NF2: variants seen among roughly 807,000 people sequenced by gnomAD.
The protein encoded by NF2 is NF2, moesin-ezrin-radixin like (MERLIN) tumor suppressor.
NF2 carries 8 observed loss-of-function variants against 83.7 expected under a neutral mutation model. The observed-to-expected ratio is 0.10, with a 90% CI of 0.06 to 0.17. The LOEUF is 0.17. Among genes scored for constraint, NF2 ranks in the 10% least tolerant of loss-of-function variants. The pLI is 1.00. For synonymous variants in NF2, 266 were observed against 269.6 expected (o/e 0.99, Z 0.13); for missense variants, 533 against 744.4 (o/e 0.72, Z 3.31).
chr22:29,660,522 A>C (rs187741178), intron 7 of NF2, among the ~76,000 whole-genome samples: 2 of 152,318 alleles, frequency 1.3e-5, no homozygotes, highest in East Asian at 3.9e-4. Context: ...TCTTCCTAGT[A>C]GTCCAACAAT....
Position 29,694,872 on chromosome 22 carries a change from A to G in NF2, c.*70A>G, listed in dbSNP as rs754084562. 6.6e-7 allele frequency: 1 copy of G among 1,515,012 alleles called. No homozygotes were observed. Among genetic ancestry groups the G allele is most frequent in the Non-Finnish European group, 9.1e-7 (1 of 1,104,194 alleles). 93.8% of individuals were successfully genotyped at this position (1,515,012 alleles called of 1,614,324 possible). A position where few individuals can be genotyped will look rare whatever the true frequency, so the allele number is the denominator to read the frequency against. On this transcript the variant is annotated 3_prime_UTR_variant, in exon 16 of 16. Coordinates refer to ENST00000338641, the MANE Select transcript of NF2 (RefSeq NM_000268.4). This position sits in a 1 kb window ranked among gnomAD's most constrained non-coding sequence, Gnocchi z 4.1. ...GGGACCGCGGGATGGACCAGATATCAAGAGAGCCATCCATAGGGAGCTGGC... is the reference window on the plus strand; with the variant it reads ...GGGACCGCGGGATGGACCAGATATCGAGAGAGCCATCCATAGGGAGCTGGC...
rs1356493348 is a variant in NF2 at position 29,697,384 on chromosome 22, C to T, written c.*2582C>T. 1 of 194,722 alleles carries T rather than the reference C, an allele frequency of 5.1e-6. No individual in the cohort carries two copies. Among genetic ancestry groups the T allele is most frequent in the Admixed American group, 6.1e-5 (1 of 16,436 alleles). The allele number at this position is 194,722 out of a possible 1,614,324, so 12.1% of individuals were successfully genotyped here. On this transcript the variant is annotated 3_prime_UTR_variant, in exon 16 of 16. Transcript: ENST00000338641. ...GGGAGCAGGCTGGGAACTGCAGGAC[C>T]TTGCTCAGCCAGGAGCACTTCCCCC...
intron 8 of NF2, among the ~76,000 whole-genome samples, chr22:29,663,738 G>A (rs1338263521): frequency 1.3e-5 from 2 of 152,208 alleles, no homozygotes; most frequent in African/African-American, 4.8e-5. Flanking sequence ...GCAATATAAC[G>A]TGTGAAAGAA....
intron 9 of NF2, among the ~76,000 whole-genome samples, chr22:29,667,660 A>G (rs1021973939): frequency 1.3e-5 from 2 of 152,206 alleles, no homozygotes; most frequent in Non-Finnish European, 2.9e-5. Context: ...TGCTGGGATT[A>G]CAGGTGTGAG....
intron 4 of NF2, among the ~76,000 whole-genome samples, chr22:29,653,150 A>G (rs2066197805): frequency 6.6e-6 from 1 of 152,156 alleles, no homozygotes; most frequent in African/African-American, 2.4e-5. Flanking sequence ...AAAATGTTTA[A>G]ATTTGACAAA....
intron 8 of NF2, among the ~76,000 whole-genome samples, chr22:29,664,446 C>G (rs1044587460): frequency 6.6e-6 from 1 of 151,968 alleles, no homozygotes; most frequent in African/African-American, 2.4e-5. Context: ...TGGTTTTGCC[C>G]TGTGCAGAAT....
Position 29,634,015 on chromosome 22 carries a change from T to TA in NF2, c.115-2735dup, listed in dbSNP as rs373129371. 4.2e-3 allele frequency among the ~76,000 whole-genome samples: 636 copies of TA among 152,336 alleles called. 4 individuals carry two copies. Among genetic ancestry groups the TA allele is most frequent in the African/African-American group, 0.015 (608 of 41,564 alleles). On this transcript the variant is annotated intron_variant, in intron 1 of 15. Transcript: ENST00000338641. ...GATTTTGTTTCAAACACTGGTTACT[T>TA]ACTGGAAAAGGTGTCTGGGGAGTGC...
At chr22:29,690,502 G>T (rs1200607570) in intron 15 of NF2, among the ~76,000 whole-genome samples, 1 of 152,180 alleles carries the variant, frequency 6.6e-6, no homozygotes, top group Non-Finnish European at 1.5e-5. Context: ...TGCCGGGGCT[G>T]AGTCTCGATG....
In NF2 at chr22:29,695,683, G is replaced by A. The variant is rs2067530861; in HGVS notation, c.*881G>A. On this transcript the variant is annotated 3_prime_UTR_variant, in exon 16 of 16. Coordinates refer to ENST00000338641, the MANE Select transcript of NF2 (RefSeq NM_000268.4). This position sits in a 1 kb window ranked among gnomAD's most constrained non-coding sequence, Gnocchi z 5.4. ...CACCCGTAACCCGGCTATGACCAGG[G>A]ATCTGTAAGCCCTGTGGCTCCACAG... 1 of 233,660 alleles carries A rather than the reference G, an allele frequency of 4.3e-6. No individual in the cohort carries two copies. Among genetic ancestry groups the A allele is most frequent in the Non-Finnish European group, 8.4e-6 (1 of 118,368 alleles). 14.5% of individuals were successfully genotyped at this position (233,660 alleles called of 1,614,324 possible). A position where few individuals can be genotyped will look rare whatever the true frequency, so the allele number is the denominator to read the frequency against.
At chr22:29,641,252 TTCTC>T (rs1373662628) in intron 3 of NF2, among the ~76,000 whole-genome samples, 2 of 152,236 alleles carry the variant, frequency 1.3e-5, no homozygotes, top group African/African-American at 2.4e-5. Context: ...AGGTTTCATT[TTCTC>T]TCTAAGAATG....
Position 29,673,477 on chromosome 22 carries a change from C to A in NF2, c.1331C>A (p.Ser444Ter). ...CTGGCACTGAAGATGGCTGAGGAGT[C>A]AGAGAGGAGGTGAGGGGGCACCGGG... ...EVLALKMAEE[S>*]ERRAKEADQL... The change falls in exon 12 of 16, where the codon TCA becomes TAA. Residue 444 changes from serine to a stop codon, truncating the protein, a stop_gained. Coordinates refer to ENST00000338641, the MANE Select transcript of NF2 (RefSeq NM_000268.4). LOFTEE classifies it high-confidence loss of function. 6.2e-7 allele frequency: 1 copy of A among 1,608,358 alleles called. No individual in the cohort carries two copies. Among genetic ancestry groups the A allele is most frequent in the South Asian group, 1.1e-5 (1 of 89,336 alleles).
chr22:29,603,681 G>A lies in NF2; in HGVS notation c.-318G>A. On this transcript the variant is annotated 5_prime_UTR_variant, in exon 1 of 16. Coordinates refer to ENST00000338641, the MANE Select transcript of NF2 (RefSeq NM_000268.4). The stretch of plus-strand genomic sequence containing the variant: ...GGCGCGCGGAGTCTGGGCCGCTGCC[G>A]TCTAGGGGTCCCGTCCCGAGGCGTC... 1 of 427,248 alleles carries A rather than the reference G, an allele frequency of 2.3e-6. No homozygotes were observed. The highest frequency in any genetic ancestry group is 4.1e-6 in the Non-Finnish European group (1 of 242,848). The allele number at this position is 427,248 out of a possible 1,614,324, so 26.5% of individuals were successfully genotyped here. A position where few individuals can be genotyped will look rare whatever the true frequency, so the allele number is the denominator to read the frequency against.
chr22:29,623,120 T>G (rs1360635539), intron 1 of NF2, among the ~76,000 whole-genome samples: 1 of 151,882 alleles, frequency 6.6e-6, no homozygotes, highest in Non-Finnish European at 1.5e-5. Context: ...CCTGGCTAAT[T>G]TTTTTGAAGA....
intron 1 of NF2, among the ~76,000 whole-genome samples, chr22:29,629,843 C>A (rs1457664498): frequency 6.6e-6 from 1 of 152,220 alleles, no homozygotes; most frequent in Non-Finnish European, 1.5e-5. Context: ...AATATTGCTT[C>A]TCTCTTAGCT....
chr22:29,685,250 G>C (rs1266185921), intron 15 of NF2, among the ~76,000 whole-genome samples: 2 of 151,714 alleles, frequency 1.3e-5, no homozygotes, highest in Non-Finnish European at 2.9e-5. Flanking sequence ...TGAGACTAGA[G>C]GTACTAGCCA....
intron 1 of NF2, among the ~76,000 whole-genome samples, chr22:29,618,819 A>G (rs1406983513): frequency 2.0e-5 from 3 of 152,216 alleles, no homozygotes; most frequent in African/African-American, 7.2e-5. Flanking sequence ...TCCAGCATAC[A>G]AGTGGACGTA....
chr22:29,639,206 C>T lies in NF2; in HGVS notation c.357C>T (p.Phe119=), dbSNP rs1370689871. 3 of 1,614,154 alleles carry T rather than the reference C, an allele frequency of 1.9e-6. No individual in the cohort carries two copies. Among genetic ancestry groups the T allele is most frequent in the Non-Finnish European group, 1.7e-6 (2 of 1,180,016 alleles). The change falls in exon 3 of 16, where the codon TTC becomes TTT. Residue 119 remains phenylalanine, a synonymous_variant. Transcript: ENST00000338641. ...LVQEITQHLF[F]LQVKKQILDE... is the part of the protein sequence containing the mutation. ...AGGAGATCACACAACATTTATTCTT[C>T]TTACAGGTACATCAGTCAAGGCTAC...
At chr22:29,668,746 G>A (rs753061777) in intron 10 of NF2, among the ~76,000 whole-genome samples, 9 of 152,216 alleles carry the variant, frequency 5.9e-5, no homozygotes, top group Non-Finnish European at 1.2e-4. Context: ...GCATCTATCC[G>A]TCCGGCTAGC....
intron 8 of NF2, among the ~76,000 whole-genome samples, chr22:29,662,047 G>A (rs1367989602): frequency 6.6e-6 from 1 of 152,040 alleles, no homozygotes; most frequent in East Asian, 1.9e-4. Context: ...TACCAAAAAG[G>A]TCCCATAATG....
Sources: allele counts gnomAD v4.1 joint callset (sites outside exome capture counted in the v4.1 genomes callset), GRCh38; gene constraint gnomAD v4.1.1; non-coding constraint Gnocchi (gnomAD v3.1); transcripts MANE v1.5; gene names NCBI Gene and HGNC (gene_info 2026-07-23, HGNC 2026-07-21).